The following ATG2B variants were observed in gnomAD, a reference collection of about 807,000 sequenced individuals.
ATG2B encodes the protein autophagy-related protein 2 homolog B.
Under a neutral mutation model 241.3 loss-of-function variants are expected in ATG2B, and 121 were observed. The observed-to-expected ratio is 0.50, with a 90% CI of 0.43 to 0.58. The LOEUF is 0.58. Among genes scored for constraint, ATG2B ranks in the 20% least tolerant of loss-of-function variants. ATG2B has a pLI of 0.00. For missense variants in ATG2B, 2,306 were observed against 2,491.6 expected (o/e 0.93, Z 1.59); for synonymous variants, 858 against 876.6 (o/e 0.98, Z 0.37).
rs957152705 is a variant in ATG2B at position 96,335,951 on chromosome 14, C to T, written c.925-1450G>A. Among the ~76,000 whole-genome samples the T allele has an allele frequency of 4.6e-5, 7 of 152,074 alleles. No homozygotes were observed. In the East Asian group the frequency reaches 1.3e-3, roughly 29 times the overall value. On this transcript the variant is annotated intron_variant, in intron 6 of 41. Coordinates refer to ENST00000359933, the MANE Select transcript of ATG2B (RefSeq NM_018036.7). ...CATAAAAAGAACAAAGTACTTACTA[C>T]TTTCTTTTGAAAATATAAAAGAACA...
At chr14:96,295,626 CA>C (rs1412078077) in intron 34 of ATG2B, 66 bp from the exon 35 acceptor site, 6 of 1,066,346 alleles carry the variant, frequency 5.6e-6, no homozygotes, top group Non-Finnish European at 8.3e-6. Flanking sequence ...AACTATGAAA[CA>C]AAGTATCTTA....
intron 18 of ATG2B, among the ~76,000 whole-genome samples, chr14:96,318,510 A>G (rs12882717): frequency 0.24 from 36,952 of 151,988 alleles, 5,664 homozygotes; most frequent in Admixed American, 0.35. Context: ...CTTTCCCTAG[A>G]AATACCTGAT....
rs751680618 is a variant in ATG2B at position 96,344,635 on chromosome 14, C to T, written c.581+19G>A. 2.8e-6 allele frequency: 4 copies of T among 1,445,844 alleles called. No homozygotes were observed. In the Admixed American group the frequency reaches 5.6e-5, roughly 20 times the overall value. 89.6% of individuals were successfully genotyped at this position (1,445,844 alleles called of 1,614,324 possible). On this transcript the variant is annotated intron_variant, in intron 4 of 41. Coordinates refer to ENST00000359933, the MANE Select transcript of ATG2B (RefSeq NM_018036.7). ...GAGTTACAATAGGGTCATTTATTTT[C>T]AGACATAAGAATTCTTACCTTTCTA...
Position 96,317,231 on chromosome 14 carries a change from C to A in ATG2B, c.3124G>T (p.Asp1042Tyr). The A allele has an allele frequency of 6.2e-7, 1 of 1,613,484 alleles. No homozygotes were observed. The highest frequency in any genetic ancestry group is 8.5e-7 in the Non-Finnish European group (1 of 1,179,508). ...CTCTGAGAGTTCTTGTTCTGAGAGT[C>A]TAATTTTTTTTTCCTGCGAGAACGA... is the stretch of plus-strand genomic sequence containing the variant. ...NYRSRRKKKLDSQNKNSQSFL... is the reference protein window; with the variant it reads ...NYRSRRKKKLYSQNKNSQSFL... The change falls in exon 20 of 42, where the codon GAC (aspartate) becomes TAC (tyrosine). Residue 1042 changes from aspartate (D) to tyrosine (Y), a missense_variant. Transcript: ENST00000359933.
chr14:96,298,380 T>C (rs1469596599), intron 34 of ATG2B, among the ~76,000 whole-genome samples: 1 of 152,218 alleles, frequency 6.6e-6, no homozygotes, highest in East Asian at 1.9e-4. Flanking sequence ...TTAAGAGAGC[T>C]CAACATATAC....
chr14:96,285,973 T>A lies in ATG2B; in HGVS notation c.6019A>T (p.Thr2007Ser), dbSNP rs1886326317. The A allele has an allele frequency of 1.2e-6, 2 of 1,612,752 alleles. No homozygotes were observed. The highest frequency in any genetic ancestry group is 3.3e-5 in the Admixed American group (2 of 59,952). Residue 2007 changes from threonine to serine, a missense_variant, in exon 42 of 42, where the codon ACG becomes TCG. By Grantham distance (58) the Thr-to-Ser change is moderately conservative. Coordinates refer to ENST00000359933, the MANE Select transcript of ATG2B (RefSeq NM_018036.7). This position sits in a 1 kb window ranked among gnomAD's most constrained non-coding sequence, Gnocchi z 4.2. ...YSVVKEGITD[T>S]AQTIYETAAR... is the part of the protein sequence containing the mutation. ...GCAGTTTCATAAATGGTCTGAGCCGTGTCTGTGATTCCCTGCGTAGAGGAG... is the reference window on the plus strand; with the variant it reads ...GCAGTTTCATAAATGGTCTGAGCCGAGTCTGTGATTCCCTGCGTAGAGGAG...
intron 41 of ATG2B, among the ~76,000 whole-genome samples, chr14:96,288,952 G>A (rs572975512): frequency 6.6e-6 from 1 of 152,176 alleles, no homozygotes; most frequent in East Asian, 1.9e-4. Flanking sequence ...AGAGTTAAAT[G>A]AGCACTCCCC....
chr14:96,317,996 G>A, intron 18 of ATG2B, 141 bp from the exon 19 acceptor site: 1 of 578,216 alleles, frequency 1.7e-6, no homozygotes. Flanking sequence ...CAAGAATTTG[G>A]AAAAACAACA....
At position 96,295,232 on chromosome 14, in the gene ATG2B, A is replaced by G. The variant is rs1005711617; in HGVS notation, c.5219-65T>C. On this transcript the variant is annotated intron_variant, in intron 35 of 41. Coordinates refer to ENST00000359933, the MANE Select transcript of ATG2B (RefSeq NM_018036.7). ...TTCTTCTTAGCAAACATTTAAATCA[A>G]TCTTGATCTAATTTGTTTTTCTACA... The G allele has an allele frequency of 1.4e-5, 18 of 1,332,552 alleles. No homozygotes were observed. The East Asian group carries it at 4.2e-4, about 31-fold the overall frequency. The allele number at this position is 1,332,552 out of a possible 1,614,324, so 82.5% of individuals were successfully genotyped here.
chr14:96,311,378 T>C (rs1326182109), intron 27 of ATG2B, 91 bp from the exon 28 acceptor site: 3 of 1,302,876 alleles, frequency 2.3e-6, no homozygotes, highest in Non-Finnish European at 3.2e-6. Flanking sequence ...ATAAGATTCA[T>C]GATAATCTGT....
chr14:96,339,347 CATAT>C (rs1234686502), intron 6 of ATG2B, among the ~76,000 whole-genome samples: 1 of 150,398 alleles, frequency 6.6e-6, no homozygotes, highest in African/African-American at 2.5e-5. Context: ...TATACACAAA[CATAT>C]ATATACACAC....
At chr14:96,350,405 G>A (rs1249486079) in intron 1 of ATG2B, among the ~76,000 whole-genome samples, 1 of 152,152 alleles carries the variant, frequency 6.6e-6, no homozygotes, top group Non-Finnish European at 1.5e-5. Context: ...TGACAGAGAA[G>A]AGTGGTCAAG....
At chr14:96,302,423 A>C (rs1886817710) in intron 33 of ATG2B, among the ~76,000 whole-genome samples, 1 of 152,032 alleles carries the variant, frequency 6.6e-6, no homozygotes, top group Non-Finnish European at 1.5e-5. Flanking sequence ...AACTCCACAA[A>C]AAACAAAAAA....
chr14:96,339,849 A>AC (rs897890248), intron 6 of ATG2B, among the ~76,000 whole-genome samples: 1 of 151,666 alleles, frequency 6.6e-6, no homozygotes, highest in African/African-American at 2.4e-5. Flanking sequence ...GTAACCAAAA[A>AC]CCACCTGTAT....
Position 96,324,016 on chromosome 14 carries a change from T to C in ATG2B, c.2438-18A>G, listed in dbSNP as rs545412536. The C allele has an allele frequency of 2.6e-6, 4 of 1,510,794 alleles. No homozygotes were observed. Among genetic ancestry groups the C allele is most frequent in the Non-Finnish European group, 3.6e-6 (4 of 1,103,210 alleles). 93.6% of individuals were successfully genotyped at this position (1,510,794 alleles called of 1,614,324 possible). A position where few individuals can be genotyped will look rare whatever the true frequency, so the allele number is the denominator to read the frequency against. ...GAACGATCCTAAAAAAAAAGACTGA[T>C]TTACTGAAATGTGCTTCTTCTCAAG... On this transcript the variant is annotated intron_variant, in intron 15 of 41. Transcript: ENST00000359933.
intron 29 of ATG2B, 94 bp downstream of exon 29, chr14:96,309,359 T>C (rs1282887943): frequency 6.9e-7 from 1 of 1,444,388 alleles, no homozygotes. Context: ...CTCATATGCG[T>C]CTTTAATAAG....
At chr14:96,303,005 A>G (rs1886834181) in intron 33 of ATG2B, 56 bp downstream of exon 33, 1 of 1,308,812 alleles carries the variant, frequency 7.6e-7, no homozygotes. Flanking sequence ...GAAGTTAGAT[A>G]TAATAAAAAC....
Position 96,283,282 on chromosome 14 carries a change from C to T in ATG2B, c.*2473G>A, listed in dbSNP as rs1410960558. 7.6e-6 allele frequency: 1 copy of T among 131,794 alleles called. No homozygotes were observed. The highest frequency in any genetic ancestry group is 3.1e-5 in the African/African-American group (1 of 32,130). The allele number at this position is 131,794 out of a possible 1,614,324, so 8.2% of individuals were successfully genotyped here. ...ATCACTGGTGGACATGCGCGATCTA[C>T]TCTAGTCAGAAGCATGACACCAACC... On this transcript the variant is annotated 3_prime_UTR_variant, in exon 42 of 42. Coordinates refer to ENST00000359933, the MANE Select transcript of ATG2B (RefSeq NM_018036.7).
In ATG2B at chr14:96,359,439, T is replaced by C. The variant is rs527572962; in HGVS notation, c.162+3376A>G. On this transcript the variant is annotated intron_variant, in intron 1 of 41. Coordinates refer to ENST00000359933, the MANE Select transcript of ATG2B (RefSeq NM_018036.7). ...ATTGTTAATGTGTATCTTCTTGAGCTCCTGTAAGAAAAGGGTCTTTGTTTA... is the reference window on the plus strand; with the variant it reads ...ATTGTTAATGTGTATCTTCTTGAGCCCCTGTAAGAAAAGGGTCTTTGTTTA... Among the ~76,000 whole-genome samples the C allele has an allele frequency of 2.0e-5, 3 of 152,148 alleles. No individual in the cohort carries two copies. In the East Asian group the frequency reaches 5.8e-4, roughly 29 times the overall value.
Sources: allele counts gnomAD v4.1 joint callset (sites outside exome capture counted in the v4.1 genomes callset), GRCh38; gene constraint gnomAD v4.1.1; non-coding constraint Gnocchi (gnomAD v3.1); transcripts MANE v1.5; gene names NCBI Gene and HGNC (gene_info 2026-07-23, HGNC 2026-07-21).